The following GPC5 variants were observed in gnomAD, a reference collection of about 807,000 sequenced individuals.
GPC5 encodes the protein glypican 5.
GPC5 carries 47 observed loss-of-function variants against 53.9 expected under a neutral mutation model. The observed-to-expected ratio is 0.87, with a 90% CI of 0.69 to 1.11. The LOEUF is 1.11. Ranked by LOEUF, GPC5 falls within the 50% of genes most tolerant of loss-of-function variation. The pLI is 0.00. For missense variants in GPC5, 748 were observed against 713.1 expected (o/e 1.05, Z -0.56); for synonymous variants, 286 against 263.3 (o/e 1.09, Z -0.84).
At chr13:91,931,156 C>T (rs2039818126) in intron 6 of GPC5, among the ~76,000 whole-genome samples, 1 of 152,000 alleles carries the variant, frequency 6.6e-6, no homozygotes, top group Non-Finnish European at 1.5e-5. Context: ...TCTGTTAAAA[C>T]TGTAATAGTT....
intron 7 of GPC5, among the ~76,000 whole-genome samples, chr13:92,585,762 T>C (rs951469606): frequency 6.6e-6 from 1 of 152,114 alleles, no homozygotes; most frequent in Non-Finnish European, 1.5e-5. Context: ...AATCATGGGG[T>C]CAGGTCTTTC....
chr13:92,804,970 A>G (rs1877039452), intron 7 of GPC5, among the ~76,000 whole-genome samples: 1 of 152,020 alleles, frequency 6.6e-6, no homozygotes, highest in Non-Finnish European at 1.5e-5. Flanking sequence ...AAGTTTTATC[A>G]TGAGATTACA....
At chr13:92,167,746 G>A (rs968703859) in intron 7 of GPC5, among the ~76,000 whole-genome samples, 4 of 152,168 alleles carry the variant, frequency 2.6e-5, no homozygotes, top group Admixed American at 6.5e-5. Context: ...CTACTGGTCT[G>A]AATCATGTGG....
intron 2 of GPC5, among the ~76,000 whole-genome samples, chr13:91,607,807 G>A (rs900624400): frequency 6.6e-6 from 1 of 152,158 alleles, no homozygotes; most frequent in Non-Finnish European, 1.5e-5. Flanking sequence ...TATACTAAAA[G>A]CATGTAATAA....
intron 3 of GPC5, 113 bp downstream of exon 3, chr13:91,693,994 A>C: frequency 1.2e-6 from 1 of 809,468 alleles, no homozygotes; most frequent in Non-Finnish European, 1.9e-6. Context: ...AATCCAAGAT[A>C]TTATTTTTTT....
chr13:91,617,717 A>C (rs185612706), intron 2 of GPC5, among the ~76,000 whole-genome samples: 1 of 151,882 alleles, frequency 6.6e-6, no homozygotes, highest in East Asian at 1.9e-4. Context: ...GGTGTTAAGG[A>C]TAAAGAAGTG....
intron 6 of GPC5, chr13:92,059,904 T>G (rs2138851081): frequency 6.6e-6 from 1 of 152,070 alleles, no homozygotes; most frequent in Non-Finnish European, 1.5e-5. Context: ...GCTGTACTGC[T>G]AATGCCTACG....
chr13:91,913,674 G>A (rs760148420), intron 6 of GPC5, among the ~76,000 whole-genome samples: 9 of 152,212 alleles, frequency 5.9e-5, no homozygotes, highest in African/African-American at 9.6e-5. Context: ...GAACCTTGGC[G>A]ACAGAGGGGA....
At chr13:91,951,923 A>C (rs988676526) in intron 6 of GPC5, among the ~76,000 whole-genome samples, 1 of 152,096 alleles carries the variant, frequency 6.6e-6, no homozygotes, top group African/African-American at 2.4e-5. Flanking sequence ...TTCCACATAA[A>C]ATCTTTCTCT....
intron 6 of GPC5, among the ~76,000 whole-genome samples, chr13:92,125,916 GTTTTTTGGTTTTT>G (rs2041690734): frequency 9.6e-5 from 3 of 31,304 alleles, no homozygotes; most frequent in East Asian, 6.6e-3. Context: ...GGAAACATTT[GTTTTTTGGTTTTT>G]TTTTTTTTTT....
At chr13:91,977,885 G>A (rs1016186313) in intron 6 of GPC5, among the ~76,000 whole-genome samples, 8 of 151,540 alleles carry the variant, frequency 5.3e-5, no homozygotes, top group Admixed American at 1.3e-4. Context: ...GTGGAGGTGG[G>A]AGAATCCCTT....
chr13:91,793,136 TA>T (rs1181238067), intron 5 of GPC5, among the ~76,000 whole-genome samples: 3 of 152,114 alleles, frequency 2.0e-5, no homozygotes, highest in African/African-American at 7.2e-5. Flanking sequence ...CACAGTTCCT[TA>T]GAGCAGGGGA....
chr13:92,470,097 T>C (rs938261136), intron 7 of GPC5, among the ~76,000 whole-genome samples: 6 of 152,272 alleles, frequency 3.9e-5, no homozygotes, highest in Non-Finnish European at 7.4e-5. Context: ...TCCCTGAACT[T>C]GAACTAAATC....
intron 7 of GPC5, among the ~76,000 whole-genome samples, chr13:92,599,437 C>G (rs969216521): frequency 6.6e-6 from 1 of 151,768 alleles, no homozygotes; most frequent in African/African-American, 2.4e-5. Context: ...CTGACAAAGT[C>G]CTGGATTTTA....
At chr13:92,438,266 G>C (rs769473488) in intron 7 of GPC5, among the ~76,000 whole-genome samples, 31 of 151,902 alleles carry the variant, frequency 2.0e-4, no homozygotes, top group Non-Finnish European at 4.1e-4. Flanking sequence ...CTACAATGTT[G>C]GGTAAGTGTT....
chr13:91,849,765 A>G (rs1470218279), intron 5 of GPC5, among the ~76,000 whole-genome samples: 3 of 152,220 alleles, frequency 2.0e-5, no homozygotes, highest in Admixed American at 6.5e-5. Context: ...TATGCTTAAT[A>G]TCATCTGTGG....
intron 6 of GPC5, among the ~76,000 whole-genome samples, chr13:92,029,830 A>G (rs1366267531): frequency 6.6e-6 from 1 of 152,182 alleles, no homozygotes; most frequent in East Asian, 1.9e-4. Context: ...ACAGGGATGT[A>G]GTAAAACAGA....
chr13:91,931,684 G>T (rs549782664), intron 6 of GPC5, among the ~76,000 whole-genome samples: 1 of 151,890 alleles, frequency 6.6e-6, no homozygotes, highest in Non-Finnish European at 1.5e-5. Context: ...CCTATGACAC[G>T]CATTGCACAT....
intron 6 of GPC5, among the ~76,000 whole-genome samples, chr13:91,979,430 T>C (rs1271048071): frequency 6.6e-6 from 1 of 152,228 alleles, no homozygotes; most frequent in East Asian, 1.9e-4. Context: ...TAATGTGTTA[T>C]CACATGTATT....
Sources: allele counts gnomAD v4.1 joint callset (sites outside exome capture counted in the v4.1 genomes callset), GRCh38; gene constraint gnomAD v4.1.1; transcripts MANE v1.5; gene names NCBI Gene and HGNC (gene_info 2026-07-23, HGNC 2026-07-21).